The following TEX11 variants were observed in gnomAD, a reference collection of about 807,000 sequenced individuals.
TEX11 encodes the protein testis expressed 11.
TEX11 carries 7 observed loss-of-function variants against 84.4 expected under a neutral mutation model. The observed-to-expected ratio is 0.08, with a 90% CI of 0.05 to 0.16. TEX11 has a LOEUF of 0.16. TEX11 is among the 10% of genes least tolerant of loss of function. The probability of loss-of-function intolerance (pLI) is 1.00; values close to 1 mark genes in which losing one functional copy is unlikely to be tolerated. For synonymous variants in TEX11, 264 were observed against 222.8 expected, an observed-to-expected ratio of 1.18 and a Z score of -1.64; for missense variants, 551 against 660.5, an observed-to-expected ratio of 0.83 and a Z score of 1.82.
chrX:70,706,685 C>A (rs1042543022), intron 13 of TEX11, among the ~76,000 whole-genome samples: 3 of 111,083 alleles, frequency 2.7e-5, no homozygotes, highest in African/African-American at 9.8e-5. Flanking sequence ...CAGGGACATG[C>A]ATATTATTTT....
the TEX11 span, among the ~76,000 whole-genome samples, chrX:70,520,514 C>T: frequency 1.8e-5 from 2 of 111,913 alleles, no homozygotes; most frequent in Non-Finnish European, 3.8e-5. Context: ...CTGGAAGCTT[C>T]GTCTCAGAGG....
chrX:70,811,191 A>C, intron 8 of TEX11, among the ~76,000 whole-genome samples: 1 of 106,634 alleles, frequency 9.4e-6, no homozygotes, highest in East Asian at 3.0e-4. Context: ...CCACCCCACA[A>C]CAGGCCCCAG....
chrX:70,778,943 C>T (rs531954884), intron 9 of TEX11, among the ~76,000 whole-genome samples: 1 of 110,710 alleles, frequency 9.0e-6, no homozygotes, highest in South Asian at 3.8e-4. Context: ...CTAGAGGTGG[C>T]TCATGCCTGC....
At chrX:70,763,471 A>T (rs1204490742) in intron 9 of TEX11, among the ~76,000 whole-genome samples, 1 of 111,130 alleles carries the variant, frequency 9.0e-6, no homozygotes, top group African/African-American at 3.3e-5. Flanking sequence ...GCTTAGGGAT[A>T]AAAAATTACA....
intron 9 of TEX11, among the ~76,000 whole-genome samples, chrX:70,778,470 C>A (rs376298421): frequency 2.2e-3 from 249 of 110,739 alleles, no homozygotes; most frequent in African/African-American, 6.6e-3. Flanking sequence ...ACAACAACAA[C>A]AAAAAACAGG....
chrX:70,625,995 G>A (rs750578710), intron 18 of TEX11, among the ~76,000 whole-genome samples: 4 of 110,432 alleles, frequency 3.6e-5, no homozygotes, highest in East Asian at 5.7e-4. Context: ...TGATCCACCC[G>A]CCTGGGCCTC....
chrX:70,712,086 G>C (rs1443391863), intron 13 of TEX11, among the ~76,000 whole-genome samples: 1 of 111,585 alleles, frequency 9.0e-6, no homozygotes, highest in Non-Finnish European at 1.9e-5. Context: ...GTTTGTCAAA[G>C]ATCAGATAGT....
chrX:70,677,620 C>T (rs1309709839), intron 15 of TEX11, among the ~76,000 whole-genome samples: 9 of 110,408 alleles, frequency 8.2e-5, no homozygotes, highest in East Asian at 5.7e-4. Flanking sequence ...GCCTAATCTA[C>T]GCTATGTGGT....
chrX:70,842,789 G>A (rs1008586591), intron 7 of TEX11, among the ~76,000 whole-genome samples: 13 of 111,477 alleles, frequency 1.2e-4, no homozygotes, highest in African/African-American at 3.9e-4. Flanking sequence ...CAAAGTCTCC[G>A]GACACAAAAT....
At chrX:70,789,212 C>T (rs1302531019) in intron 9 of TEX11, among the ~76,000 whole-genome samples, 3 of 106,361 alleles carry the variant, frequency 2.8e-5, no homozygotes, top group Non-Finnish European at 5.8e-5. Context: ...AAAGTGAATA[C>T]ACATTTCTCA....
At chrX:70,755,567 C>T (rs1424216330) in intron 9 of TEX11, among the ~76,000 whole-genome samples, 1 of 111,798 alleles carries the variant, frequency 8.9e-6, no homozygotes, top group African/African-American at 3.2e-5. Flanking sequence ...TATCATTGGC[C>T]TTAAAGAAGA....
chrX:70,664,831 A>G (rs1254808577), intron 16 of TEX11, among the ~76,000 whole-genome samples: 5 of 91,935 alleles, frequency 5.4e-5, no homozygotes, highest in Admixed American at 1.4e-4. Flanking sequence ...TTTGTGGGAA[A>G]GGTACATCTA....
At chrX:70,561,990 A>G (rs2088382788) in intron 25 of TEX11, among the ~76,000 whole-genome samples, 1 of 111,988 alleles carries the variant, frequency 8.9e-6, no homozygotes, top group African/African-American at 3.2e-5. Context: ...TAACACACAC[A>G]TGTGCACAAC....
chrX:70,518,526 G>C, the TEX11 span, among the ~76,000 whole-genome samples: 1 of 111,992 alleles, frequency 8.9e-6, no homozygotes, highest in Admixed American at 9.5e-5. Flanking sequence ...ATTTGCTGAG[G>C]AGTGCTTTAC....
At chrX:70,622,067 G>A (rs1393713560) in intron 20 of TEX11, among the ~76,000 whole-genome samples, 1 of 111,649 alleles carries the variant, frequency 9.0e-6, no homozygotes, top group Non-Finnish European at 1.9e-5. Flanking sequence ...TTTTGGAACA[G>A]AAAAGGCCTA....
Position 70,615,755 on chromosome X carries a change from G to T in TEX11, c.1752-5212C>A, listed in dbSNP as rs753681389. The stretch of plus-strand genomic sequence containing the variant: ...ACATTTAATTATCAAACTCTCAAAG[G>T]TTCAGGATAAAGAAAGAATCCTAAA... On this transcript the variant is annotated intron_variant, in intron 20 of 29. Transcript: ENST00000374333. 1.5e-4 allele frequency among the ~76,000 whole-genome samples: 17 copies of T among 111,863 alleles called. No homozygotes were observed. The Admixed American group carries it at 1.6e-3, about 11-fold the overall frequency.
chrX:70,703,567 C>T (rs991957774), intron 13 of TEX11, among the ~76,000 whole-genome samples: 3 of 111,360 alleles, frequency 2.7e-5, no homozygotes, highest in African/African-American at 9.8e-5. Context: ...TTTTCCTCTG[C>T]CTTGGACATG....
chrX:70,890,805 C>T (rs1265573316), intron 2 of TEX11, among the ~76,000 whole-genome samples: 1 of 112,486 alleles, frequency 8.9e-6, no homozygotes, highest in Non-Finnish European at 1.9e-5. Flanking sequence ...GCAGCAGAAA[C>T]TTCTGCACAC....
At chrX:70,520,355 T>C in the TEX11 span, among the ~76,000 whole-genome samples, 1 of 112,425 alleles carries the variant, frequency 8.9e-6, no homozygotes, top group East Asian at 2.8e-4. Flanking sequence ...GTTAGTTAGT[T>C]TTCCTTCTAC....
Sources: allele counts gnomAD v4.1 joint callset (sites outside exome capture counted in the v4.1 genomes callset), GRCh38; gene constraint gnomAD v4.1.1; transcripts MANE v1.5; gene names NCBI Gene and HGNC (gene_info 2026-07-23, HGNC 2026-07-21).